HDAC6: variants seen among roughly 807,000 people sequenced by gnomAD.
HDAC6 encodes the protein protein deacetylase HDAC6.
A neutral mutation model predicts 88.9 loss-of-function variants in HDAC6; 5 were observed. The ratio of observed to expected loss-of-function variants is 0.06; its 90% CI spans 0.03 to 0.12. The LOEUF is 0.12. Ranked by LOEUF, HDAC6 falls within the 10% of genes least tolerant of loss-of-function variation. HDAC6 has a pLI of 1.00. For missense variants in HDAC6, 706 were observed against 1,014.4 expected, an observed-to-expected ratio of 0.70 and a Z score of 4.13; for synonymous variants, 378 against 398.0, an observed-to-expected ratio of 0.95 and a Z score of 0.60.
At chrX:48,801,574 A>G (rs2062726869), upstream of HDAC6, 1 of 203,207 alleles carries the variant, frequency 4.9e-6, no homozygotes, top group Admixed American at 7.2e-5. Context: ...CCGAGGCAAG[A>G]AAAAGCTTGC....
intron 22 of HDAC6, chrX:48,819,689 T>G (rs1985411): frequency 0.26 from 64,333 of 247,193 alleles, 7,916 homozygotes; most frequent in African/African-American, 0.61. Flanking sequence ...GACTACAGGC[T>G]CCCGCCACCA....
At chrX:48,824,506 ACTCT>A (rs782243995) in intron 28 of HDAC6, 34 bp from the exon 29 acceptor site, 2 of 1,153,303 alleles carry the variant, frequency 1.7e-6, no homozygotes, top group Admixed American at 2.2e-5. Context: ...AGGGGTCCTC[ACTCT>A]CTCTCACCTG....
intron 4 of HDAC6, chrX:48,803,418 T>C: frequency 2.4e-6 from 1 of 419,883 alleles, no homozygotes; most frequent in East Asian, 3.9e-5. Context: ...GAGTTGGTGA[T>C]ACAAATGTAC....
chrX:48,808,349 G>T, intron 10 of HDAC6, 23 bp downstream of exon 10: 1 of 1,140,413 alleles, frequency 8.8e-7, no homozygotes, highest in South Asian at 1.9e-5. Context: ...TCCCACCTAG[G>T]TGCTAGACTC....
At chrX:48,808,011 G>A in intron 8 of HDAC6, 22 bp from the exon 9 acceptor site, 1 of 1,113,408 alleles carries the variant, frequency 9.0e-7, no homozygotes, top group Admixed American at 2.3e-5. Flanking sequence ...ACTCCAAGCT[G>A]TTATTTCCTT....
At chrX:48,820,987 G>A (rs888524045) in intron 23 of HDAC6, among the ~76,000 whole-genome samples, 4 of 110,237 alleles carry the variant, frequency 3.6e-5, no homozygotes, top group Non-Finnish European at 7.6e-5. Context: ...ACAGGCACCC[G>A]CCACCACGCC....
In HDAC6 at chrX:48,816,129, C is replaced by A. The variant is rs1173454047; in HGVS notation, c.1494-12C>A. On this transcript the variant is annotated splice_polypyrimidine_tract_variant and intron_variant, in intron 17 of 28. Transcript: ENST00000334136. ...GGCACTAAGCCTCTACCTCTCGTTT[C>A]CCCACTGCTAGCCACCACCCTGAGG... The A allele has an allele frequency of 1.6e-5, 19 of 1,209,625 alleles. No individual in the cohort carries two copies. The highest frequency in any genetic ancestry group is 2.1e-5 in the Non-Finnish European group (19 of 894,941).
chrX:48,817,729 C>G, intron 20 of HDAC6: 1 of 413,336 alleles, frequency 2.4e-6, no homozygotes, highest in Non-Finnish European at 4.2e-6. Context: ...GCAGCTGCCT[C>G]GACAGAACCC....
At chrX:48,806,573 C>T (rs376760366) in intron 7 of HDAC6, 36 bp from the exon 8 acceptor site, 30 of 1,109,260 alleles carry the variant, frequency 2.7e-5, no homozygotes, top group Non-Finnish European at 3.7e-5. Context: ...CTGTTCTCTC[C>T]CTTACTCCCT....
At chrX:48,818,597 A>G (rs189811906) in intron 22 of HDAC6, among the ~76,000 whole-genome samples, 185 bp downstream of exon 22, 82 of 112,162 alleles carry the variant, frequency 7.3e-4, no homozygotes, top group African/African-American at 2.5e-3. Context: ...TTGTGCACAG[A>G]TGGCTGTACA....
chrX:48,803,860 T>G (rs1311525607), intron 4 of HDAC6, among the ~76,000 whole-genome samples: 1 of 112,165 alleles, frequency 8.9e-6, no homozygotes, highest in African/African-American at 3.2e-5. Context: ...GTTGATGTCT[T>G]TGTTAAAATA....
Position 48,814,562 on chromosome X carries a change from A to C in HDAC6, c.929A>C (p.Asn310Thr). The C allele has an allele frequency of 3.3e-6, 4 of 1,212,011 alleles. No individual in the cohort carries two copies. Among genetic ancestry groups the C allele is most frequent in the Non-Finnish European group, 4.5e-6 (4 of 895,438 alleles). Residue 310 changes from asparagine (N) to threonine (T), a missense_variant, in exon 11 of 29, where the codon AAC (asparagine) becomes ACC (threonine). Physicochemically the swap from Asn to Thr is moderately conservative, Grantham distance 65 (BLOSUM62 0). This residue lies in a region of HDAC6 where 193 missense variants were observed against 258.2 expected (regional missense o/e 0.75). Transcript: ENST00000334136. ...GGATATACCATCAATGTGCCTTGGA[A>C]CCAGGTCAGCATCTACCCACCTCTG... The part of the protein sequence containing the change: ...GQGYTINVPW[N>T]QVGMRDADYI...
chrX:48,824,312 C>A lies in HDAC6; in HGVS notation c.3579+18C>A. 1 of 1,201,192 alleles carries A rather than the reference C, an allele frequency of 8.3e-7. No individual in the cohort carries two copies. Among genetic ancestry groups the A allele is most frequent in the Non-Finnish European group, 1.1e-6 (1 of 890,146 alleles). On this transcript the variant is annotated intron_variant, in intron 28 of 28. Coordinates refer to ENST00000334136, the MANE Select transcript of HDAC6 (RefSeq NM_006044.4). ...ACCACCAGGTGGGCCCTGGGTAGACCCTTCGACACGTGCACACTCACCCCC... is the reference window on the plus strand; with the variant it reads ...ACCACCAGGTGGGCCCTGGGTAGACACTTCGACACGTGCACACTCACCCCC...
Position 48,806,414 on chromosome X carries a change from G to C in HDAC6, c.484G>C (p.Gly162Arg), listed in dbSNP as rs896406884. Residue 162 changes from glycine to arginine, a missense_variant, in exon 7 of 29, where the codon GGA becomes CGA. Coordinates refer to ENST00000334136, the MANE Select transcript of HDAC6 (RefSeq NM_006044.4). ...LMETTQYMNE[G>R]ELRVLADTYD... ...GGAAACAACCCAGTACATGAATGAG[G>C]GAGAACTCCGTGTCCTAGCAGACAC... is the stretch of plus-strand genomic sequence containing the variant. 1 of 1,197,735 alleles carries C rather than the reference G, an allele frequency of 8.3e-7. No homozygotes were observed. Among genetic ancestry groups the C allele is most frequent in the African/African-American group, 1.8e-5 (1 of 56,824 alleles).
chrX:48,802,315 G>A, intron 1 of HDAC6, 173 bp downstream of exon 1: 2 of 888,735 alleles, frequency 2.3e-6, no homozygotes, highest in Admixed American at 5.4e-5. Flanking sequence ...AGAGGGTCTG[G>A]GAATGGGGCT....
Position 48,815,059 on chromosome X carries a change from A to C in HDAC6, c.1149+8A>C, listed in dbSNP as rs1330843300. ...CTGATCCTGTCTCTGGAGGTGAGTG[A>C]CTCACCTTCGTCCCTCAGCCTGTGG... On this transcript the variant is annotated splice_region_variant and intron_variant, in intron 14 of 28. Transcript: ENST00000334136. 1 of 1,168,639 alleles carries C rather than the reference A, an allele frequency of 8.6e-7. No homozygotes were observed. Among genetic ancestry groups the C allele is most frequent in the Non-Finnish European group, 1.2e-6 (1 of 866,955 alleles).
intron 4 of HDAC6, among the ~76,000 whole-genome samples, chrX:48,804,236 C>T (rs1384578985): frequency 9.0e-6 from 1 of 111,711 alleles, no homozygotes; most frequent in Non-Finnish European, 1.9e-5. Context: ...CCAAATTTTT[C>T]ATCCTGGCCT....
In HDAC6 at chrX:48,816,142, C is replaced by T; in HGVS notation, c.1495C>T (p.His499Tyr). ...MMNHCNLWDSHHPEVPQRILR... is the reference protein window; with the variant it reads ...MMNHCNLWDSYHPEVPQRILR... ...TACCTCTCGTTTCCCCACTGCTAGCCACCACCCTGAGGTACCCCAGCGCAT... is the reference window on the plus strand; with the variant it reads ...TACCTCTCGTTTCCCCACTGCTAGCTACCACCCTGAGGTACCCCAGCGCAT... Residue 499 changes from histidine (H) to tyrosine (Y), a missense_variant and splice_region_variant, in exon 18 of 29, where the codon CAC becomes TAC. Around this residue, in one of 9 missense-constraint regions of HDAC6, gnomAD observed 106 missense variants for 135.1 expected, o/e 0.78. Coordinates refer to ENST00000334136, the MANE Select transcript of HDAC6 (RefSeq NM_006044.4). 1 of 1,211,527 alleles carries T rather than the reference C, an allele frequency of 8.3e-7. No individual in the cohort carries two copies. The highest frequency in any genetic ancestry group is 1.1e-6 in the Non-Finnish European group (1 of 895,477).
upstream of HDAC6, chrX:48,801,680 C>G: frequency 6.8e-6 from 2 of 295,107 alleles, no homozygotes; most frequent in Non-Finnish European, 1.1e-5. Flanking sequence ...CGCCTGTGAG[C>G]TCGCGGTGTG....
Sources: allele counts gnomAD v4.1 joint callset (sites outside exome capture counted in the v4.1 genomes callset), GRCh38; gene constraint gnomAD v4.1.1; regional missense constraint gnomAD v4.1.1; transcripts MANE v1.5; gene names NCBI Gene and HGNC (gene_info 2026-07-23, HGNC 2026-07-21).